Variants in FBXL7 observed in about 807,000 individuals in gnomAD.
The protein encoded by FBXL7 is F-box and leucine rich repeat protein 7.
Under a neutral mutation model 38.3 loss-of-function variants are expected in FBXL7, and 12 were observed. The observed-to-expected ratio is 0.31, with a 90% CI of 0.20 to 0.51. The LOEUF (loss-of-function observed/expected upper bound fraction) is 0.51, where lower values mean the gene tolerates loss of function less well. Among genes scored for constraint, FBXL7 ranks in the 20% least tolerant of loss-of-function variants. FBXL7 has a pLI of 0.98. For missense variants in FBXL7, 567 were observed against 676.4 expected (o/e 0.84, Z 1.79); for synonymous variants, 297 against 300.9 (o/e 0.99, Z 0.13).
intron 1 of FBXL7, among the ~76,000 whole-genome samples, chr5:15,592,760 C>G (rs1237700292): frequency 2.0e-5 from 3 of 152,000 alleles, no homozygotes; most frequent in East Asian, 3.9e-4. Context: ...AAATTATGCT[C>G]CTAACCTTTA....
chr5:15,637,052 C>A (rs1156680015), intron 2 of FBXL7, among the ~76,000 whole-genome samples: 2 of 152,124 alleles, frequency 1.3e-5, no homozygotes, highest in Non-Finnish European at 2.9e-5. Context: ...CAGCCCAGCT[C>A]TTCCAATGAC....
rs374335459 is a variant in FBXL7 at position 15,516,339 on chromosome 5, T to G, written c.37+15626T>G. The stretch of plus-strand genomic sequence containing the variant: ...CAATGTTAACACTTTAAAATGAAAT[T>G]TTCTTTGGTTTCCCTTAGATATGTC... On this transcript the variant is annotated intron_variant, in intron 1 of 3. Coordinates refer to ENST00000504595, the MANE Select transcript of FBXL7 (RefSeq NM_012304.5). Among the ~76,000 whole-genome samples the G allele has an allele frequency of 2.0e-5, 3 of 152,324 alleles. No homozygotes were observed. The South Asian group carries it at 6.2e-4, about 32-fold the overall frequency.
intron 1 of FBXL7, among the ~76,000 whole-genome samples, chr5:15,609,889 G>A (rs968213911): frequency 7.2e-5 from 11 of 152,250 alleles, no homozygotes; most frequent in Non-Finnish European, 1.3e-4. Context: ...CTGTTTTTGC[G>A]CTGCTGATAA....
At chr5:15,734,220 G>A (rs1220295962) in intron 2 of FBXL7, among the ~76,000 whole-genome samples, 1 of 152,028 alleles carries the variant, frequency 6.6e-6, no homozygotes, top group Non-Finnish European at 1.5e-5. Context: ...AGATCCTGCT[G>A]CACAGGCCTC....
chr5:15,809,328 T>C (rs1469368851), intron 2 of FBXL7, among the ~76,000 whole-genome samples: 2 of 152,176 alleles, frequency 1.3e-5, no homozygotes, highest in South Asian at 4.1e-4. Flanking sequence ...AATTAGGAAA[T>C]GATCACTGTG....
At chr5:15,749,284 T>G (rs1736094253) in intron 2 of FBXL7, among the ~76,000 whole-genome samples, 1 of 148,398 alleles carries the variant, frequency 6.7e-6, no homozygotes, top group South Asian at 2.1e-4. Context: ...GAGTCCAAAT[T>G]CAACTTGTGA....
At chr5:15,774,617 A>G (rs565180626) in intron 2 of FBXL7, among the ~76,000 whole-genome samples, 8 of 152,184 alleles carry the variant, frequency 5.3e-5, no homozygotes, top group Non-Finnish European at 1.0e-4. Flanking sequence ...TGGTCAGTCC[A>G]TTGTTTTGCT....
At chr5:15,548,448 T>A in intron 1 of FBXL7, among the ~76,000 whole-genome samples, 1 of 152,184 alleles carries the variant, frequency 6.6e-6, no homozygotes, top group Admixed American at 6.5e-5. Flanking sequence ...TCCTGGGTAG[T>A]AAGGAGGTGC....
At chr5:15,605,375 C>T (rs140721157) in intron 1 of FBXL7, among the ~76,000 whole-genome samples, 1 of 152,266 alleles carries the variant, frequency 6.6e-6, no homozygotes, top group Non-Finnish European at 1.5e-5. Flanking sequence ...ATATGGTATA[C>T]ACACAGAGTA....
At chr5:15,673,717 G>A (rs117645242) in intron 2 of FBXL7, among the ~76,000 whole-genome samples, 2 of 152,010 alleles carry the variant, frequency 1.3e-5, no homozygotes, top group South Asian at 4.2e-4. Flanking sequence ...TGACCCCTAT[G>A]AGTATCCCCA....
chr5:15,606,769 A>G (rs1473286419), intron 1 of FBXL7: 1 of 152,190 alleles, frequency 6.6e-6, no homozygotes, highest in Non-Finnish European at 1.5e-5. Context: ...AACAAAGGAC[A>G]CTGTCTCATG....
At chr5:15,922,104 A>G (rs570317745) in intron 2 of FBXL7, among the ~76,000 whole-genome samples, 1 of 151,934 alleles carries the variant, frequency 6.6e-6, no homozygotes, top group East Asian at 1.9e-4. Context: ...TGAATGGGTA[A>G]AGAAACTATT....
At position 15,741,046 on chromosome 5, in the gene FBXL7, A is replaced by G. The variant is rs374233959; in HGVS notation, c.127+124974A>G. 3.0e-4 allele frequency among the ~76,000 whole-genome samples: 45 copies of G among 152,322 alleles called. 1 individual carries two copies. The South Asian group carries it at 9.1e-3, about 31-fold the overall frequency. On this transcript the variant is annotated intron_variant, in intron 2 of 3. Transcript: ENST00000504595. ...GTGGACTGAAACACAATATGCTCAG[A>G]TAAATAACTCTTAGCCTGATCCTCT...
intron 1 of FBXL7, among the ~76,000 whole-genome samples, chr5:15,613,673 G>A (rs893223834): frequency 1.3e-5 from 2 of 151,950 alleles, no homozygotes; most frequent in African/African-American, 2.4e-5. Context: ...TGTATTGTTC[G>A]GTGACTTTCA....
intron 2 of FBXL7, among the ~76,000 whole-genome samples, chr5:15,876,011 A>G (rs139038671): frequency 1.5e-3 from 227 of 152,386 alleles, no homozygotes; most frequent in African/African-American, 5.0e-3. Context: ...CCAGATGCCC[A>G]TCAGTGATAG....
intron 1 of FBXL7, among the ~76,000 whole-genome samples, chr5:15,604,466 T>C: frequency 6.6e-6 from 1 of 152,128 alleles, no homozygotes; most frequent in East Asian, 1.9e-4. Flanking sequence ...GAGATTCTCA[T>C]ACCACAGCCT....
chr5:15,918,001 G>A (rs1741644108), intron 2 of FBXL7, among the ~76,000 whole-genome samples: 2 of 152,138 alleles, frequency 1.3e-5, no homozygotes, highest in Non-Finnish European at 2.9e-5. Context: ...CACTTTGGGA[G>A]GCTGAGGCGG....
chr5:15,541,543 CTTTTTTTTTT>C (rs1173509531), intron 1 of FBXL7, among the ~76,000 whole-genome samples: 13 of 91,348 alleles, frequency 1.4e-4, no homozygotes, highest in African/African-American at 4.0e-4. Context: ...ACTCACTCCT[CTTTTTTTTTT>C]TTTTTTTTTG....
chr5:15,631,989 C>T (rs1561060858), intron 2 of FBXL7, among the ~76,000 whole-genome samples: 1 of 152,090 alleles, frequency 6.6e-6, no homozygotes, highest in Non-Finnish European at 1.5e-5. Context: ...CCTTTCAAAG[C>T]GTAACAACAG....
Sources: gnomAD v4.1 joint callset for allele counts (sites outside exome capture counted in the v4.1 genomes callset) on GRCh38, gnomAD v4.1.1 for gene constraint, MANE v1.5 for transcripts, NCBI Gene and HGNC (gene_info 2026-07-23, HGNC 2026-07-21) for gene names.